The following RBM44 variants were observed in gnomAD, a reference collection of about 807,000 sequenced individuals.
The protein encoded by RBM44 is RNA-binding protein 44.
A neutral mutation model predicts 105.1 loss-of-function variants in RBM44; 66 were observed. The ratio of observed to expected loss-of-function variants is 0.63; its 90% confidence interval spans 0.52 to 0.77. The LOEUF (loss-of-function observed/expected upper bound fraction) is 0.77. RBM44 is among the 30% of genes least tolerant of loss of function. The pLI is 0.00. For missense variants in RBM44, 1,122 were observed against 1,207.8 expected, an observed-to-expected ratio of 0.93 and a Z score of 1.05; for synonymous variants, 365 against 417.6, an observed-to-expected ratio of 0.87 and a Z score of 1.54.
chr2:237,818,378 A>C lies in RBM44; in HGVS notation c.1459A>C (p.Arg487=). ...CFTTSRATSA[R]PSVVSTSSNT... ...CACAACCAGCAGGGCAACAAGTGCA[A>C]GACCTTCTGTAGTATCTACATCAAG... Residue 487 remains arginine (R), a synonymous_variant, in exon 3 of 16, where the codon AGA becomes CGA. Transcript: ENST00000316997. This position sits in a 1 kb window ranked among gnomAD's most constrained non-coding sequence, Gnocchi z 4.6. 1 of 1,613,096 alleles carries C rather than the reference A, an allele frequency of 6.2e-7. No individual in the cohort carries two copies. Among genetic ancestry groups the C allele is most frequent in the Non-Finnish European group, 8.5e-7 (1 of 1,179,458 alleles).
Position 237,817,614 on chromosome 2 carries a change from T to C in RBM44, c.695T>C (p.Val232Ala). Residue 232 changes from valine (V) to alanine (A), a missense_variant, in exon 3 of 16, where the codon GTA becomes GCA. Val to Ala is a moderately conservative substitution (Grantham distance 64). Transcript: ENST00000316997. ...TATGAAGTTAAATGTGCTAGCAATG[T>C]AGAAGATAATCGTGTTAACTCGGGA... is the stretch of plus-strand genomic sequence containing the variant. ...SGYEVKCASN[V>A]EDNRVNSGSG... The C allele has an allele frequency of 6.2e-7, 1 of 1,613,008 alleles. No individual in the cohort carries two copies. Among genetic ancestry groups the C allele is most frequent in the Non-Finnish European group, 8.5e-7 (1 of 1,179,440 alleles).
At chr2:237,840,712 CTTAAA>C (rs879901220) in intron 15 of RBM44, among the ~76,000 whole-genome samples, 8 of 152,094 alleles carry the variant, frequency 5.3e-5, no homozygotes, top group South Asian at 4.2e-4. Flanking sequence ...CTGTAAGGAA[CTTAAA>C]TTAACAAGAA....
Position 237,817,768 on chromosome 2 carries a change from A to G in RBM44, c.849A>G (p.Glu283=), listed in dbSNP as rs1357216255. 1 of 1,611,762 alleles carries G rather than the reference A, an allele frequency of 6.2e-7. No individual in the cohort carries two copies. Among genetic ancestry groups the G allele is most frequent in the Non-Finnish European group, 8.5e-7 (1 of 1,178,854 alleles). The change falls in exon 3 of 16, where the codon GAA becomes GAG. Residue 283 remains glutamate, a synonymous_variant. Transcript: ENST00000316997. ...ACCTAAAGCATGAAAAGTATAAGGA[A>G]CAAGAGACTAATTCAATGTACCACA... ...YHDLKHEKYK[E]QETNSMYHTV...
chr2:237,821,526 A>G (rs1186904876), intron 7 of RBM44, among the ~76,000 whole-genome samples, 158 bp downstream of exon 7: 1 of 152,096 alleles, frequency 6.6e-6, no homozygotes, highest in Non-Finnish European at 1.5e-5. Context: ...GTACAAATGT[A>G]TGGGGTACAT....
intron 15 of RBM44, among the ~76,000 whole-genome samples, chr2:237,840,950 A>C (rs543310871): frequency 6.6e-6 from 1 of 152,220 alleles, no homozygotes; most frequent in South Asian, 2.1e-4. Context: ...GAGAAAAGGG[A>C]ATGCCTATGC....
Position 237,821,833 on chromosome 2 carries a change from G to C in RBM44, c.2205+6G>C, listed in dbSNP as rs759727310. On this transcript the variant is annotated splice_donor_region_variant and intron_variant, in intron 8 of 15. Coordinates refer to ENST00000316997, the MANE Select transcript of RBM44 (RefSeq NM_001080504.3). ...TAAAAAAGACACTCTCTCAAGTAAG[G>C]GTCCTTGAAAGTTCATCAATGCAAA... 6.3e-7 allele frequency: 1 copy of C among 1,585,480 alleles called. No individual in the cohort carries two copies. Among genetic ancestry groups the C allele is most frequent in the Middle Eastern group, 1.7e-4 (1 of 6,002 alleles).
chr2:237,821,869 T>TA, intron 8 of RBM44, 42 bp downstream of exon 8: 1 of 1,309,150 alleles, frequency 7.6e-7, no homozygotes, highest in South Asian at 1.2e-5. Context: ...TCTTTAAGTG[T>TA]ATGGTTTACG....
At chr2:237,810,167 A>C (rs1457021180) in intron 1 of RBM44, among the ~76,000 whole-genome samples, 1 of 152,200 alleles carries the variant, frequency 6.6e-6, no homozygotes, top group African/African-American at 2.4e-5. Flanking sequence ...TGTGTTTTAC[A>C]CCTACAGAAC....
intron 1 of RBM44, 86 bp from the exon 2 acceptor site, chr2:237,813,506 A>G (rs554590776): frequency 1.5e-6 from 1 of 667,642 alleles, no homozygotes; most frequent in East Asian, 3.0e-5. Flanking sequence ...GGAAATTTTA[A>G]AAGGACATAT....
In RBM44 at chr2:237,841,381, C is replaced by T. The variant is rs189915096; in HGVS notation, c.*23-458C>T. On this transcript the variant is annotated intron_variant, in intron 15 of 15. Coordinates refer to ENST00000316997, the MANE Select transcript of RBM44 (RefSeq NM_001080504.3). This position sits in a 1 kb window ranked among gnomAD's most constrained non-coding sequence, Gnocchi z 4.5. ...CAGCTAAACTTTGAGTACACATGGA[C>T]AAAGAAGGGAACAGCAGACACTGCA... 1.1e-4 allele frequency among the ~76,000 whole-genome samples: 17 copies of T among 152,150 alleles called. No individual in the cohort carries two copies. The highest frequency in any genetic ancestry group is 3.9e-4 in the African/African-American group (16 of 41,500).
rs1167617350 is a variant in RBM44 at position 237,816,718 on chromosome 2, C to T, written c.74-275C>T. ...CTCTTTTGGTCTTTTCTTGAAAGGA[C>T]ACTAATCCTATAATTAGGGTCTTGC... On this transcript the variant is annotated intron_variant, in intron 2 of 15. Transcript: ENST00000316997. 2.0e-5 allele frequency among the ~76,000 whole-genome samples: 3 copies of T among 152,094 alleles called. No homozygotes were observed. The South Asian group carries it at 6.2e-4, about 31-fold the overall frequency.
Position 237,827,417 on chromosome 2 carries a change from A to G in RBM44, c.2530-16A>G, listed in dbSNP as rs2061859036. 6.7e-7 allele frequency: 1 copy of G among 1,501,552 alleles called. No homozygotes were observed. The highest frequency in any genetic ancestry group is 9.0e-7 in the Non-Finnish European group (1 of 1,105,944). The allele number at this position is 1,501,552 out of a possible 1,614,324, so 93.0% of individuals were successfully genotyped here. The stretch of plus-strand genomic sequence containing the variant: ...TTTTTTCTACCTTTCACAAACTTTT[A>G]TTTCTCTTCTTTTAGGCCGATTTAA... On this transcript the variant is annotated splice_polypyrimidine_tract_variant and intron_variant, in intron 11 of 15. Coordinates refer to ENST00000316997, the MANE Select transcript of RBM44 (RefSeq NM_001080504.3).
chr2:237,830,014 A>T (rs900438579), intron 13 of RBM44, among the ~76,000 whole-genome samples: 4 of 152,168 alleles, frequency 2.6e-5, no homozygotes, highest in African/African-American at 9.7e-5. Context: ...AATTACGCAC[A>T]GTAAAATTCA....
At chr2:237,808,291 A>G (rs544816365) in intron 1 of RBM44, among the ~76,000 whole-genome samples, 100 of 152,178 alleles carry the variant, frequency 6.6e-4, no homozygotes, top group South Asian at 2.1e-3. Context: ...TCTACAAAAA[A>G]ATACAAAGAT....
At chr2:237,801,052 C>T (rs965882086) in intron 1 of RBM44, among the ~76,000 whole-genome samples, 5 of 152,074 alleles carry the variant, frequency 3.3e-5, no homozygotes, top group Admixed American at 1.3e-4. Flanking sequence ...ATATGAAGAG[C>T]GGGCTGGGTG....
intron 1 of RBM44, among the ~76,000 whole-genome samples, chr2:237,799,912 C>A (rs542100851): frequency 6.6e-6 from 1 of 152,038 alleles, no homozygotes; most frequent in African/African-American, 2.4e-5. Flanking sequence ...TGGTTTCTGG[C>A]GATACCATTC....
intron 10 of RBM44, 42 bp downstream of exon 10, chr2:237,824,461 A>G: frequency 6.4e-7 from 1 of 1,563,114 alleles, no homozygotes; most frequent in Non-Finnish European, 8.8e-7. Context: ...AACCTAGATC[A>G]TTTGTAAAAT....
intron 1 of RBM44, among the ~76,000 whole-genome samples, chr2:237,809,366 T>A (rs187445553): frequency 2.4e-4 from 36 of 152,326 alleles, no homozygotes; most frequent in African/African-American, 8.2e-4. Flanking sequence ...AACTTTTTTC[T>A]TGACCCCCGA....
intron 1 of RBM44, among the ~76,000 whole-genome samples, chr2:237,808,910 T>C (rs770627688): frequency 2.0e-4 from 30 of 152,222 alleles, no homozygotes; most frequent in Non-Finnish European, 2.9e-4. Context: ...GTGAACATAA[T>C]TGTGCATATC....
Sources: gnomAD v4.1 joint callset for allele counts (sites outside exome capture counted in the v4.1 genomes callset) on GRCh38, gnomAD v4.1.1 for gene constraint, Gnocchi (gnomAD v3.1) non-coding constraint, MANE v1.5 for transcripts, NCBI Gene and HGNC (gene_info 2026-07-23, HGNC 2026-07-21) for gene names.